Variants in ST8SIA1 observed in about 807,000 individuals in gnomAD.
ST8SIA1 encodes the protein ST8 alpha-N-acetyl-neuraminide alpha-2,8-sialyltransferase 1.
A neutral mutation model predicts 35.9 loss-of-function variants in ST8SIA1; 16 were observed. That is an observed-to-expected ratio of 0.45 (90% CI 0.30 to 0.68). The LOEUF is 0.68. Among genes scored for constraint, ST8SIA1 ranks in the 30% least tolerant of loss-of-function variants. The pLI is 0.09. For missense variants in ST8SIA1, 383 were observed against 453.6 expected (o/e 0.84, Z 1.41); for synonymous variants, 170 against 169.6 (o/e 1.00, Z -0.02).
intron 1 of ST8SIA1, among the ~76,000 whole-genome samples, chr12:22,321,531 A>G (rs1434124234): frequency 6.6e-6 from 1 of 152,224 alleles, no homozygotes; most frequent in Non-Finnish European, 1.5e-5. Context: ...CTAGAGCCTG[A>G]GCAGGCGGAG....
intron 2 of ST8SIA1, among the ~76,000 whole-genome samples, chr12:22,285,885 A>ACAAAAAAAACAAAAAAAAAG (rs1555160058): frequency 6.8e-6 from 1 of 147,280 alleles, no homozygotes. Flanking sequence ...AACAAAAAAA[A>ACAAAAAAAACAAAAAAAAAG]AAAAAAAAAA....
Position 22,202,042 on chromosome 12 carries a change from T to C in ST8SIA1, c.585-4A>G, listed in dbSNP as rs766791960. 25 of 1,561,368 alleles carry C rather than the reference T, an allele frequency of 1.6e-5. No homozygotes were observed. The highest frequency in any genetic ancestry group is 4.3e-5 in the Admixed American group (2 of 46,802). On this transcript the variant is annotated splice_polypyrimidine_tract_variant and splice_region_variant and intron_variant, in intron 4 of 4. Coordinates refer to ENST00000396037, the MANE Select transcript of ST8SIA1 (RefSeq NM_003034.4). ...GGACCACAGAAGGTTCTGAAACCTA[T>C]TGAAGAAAAAAAAAACTGTTCAATT... is the stretch of plus-strand genomic sequence containing the variant.
chr12:22,274,282 A>G lies in ST8SIA1; in HGVS notation c.381+12867T>C, dbSNP rs544001609. On this transcript the variant is annotated intron_variant, in intron 2 of 4. Coordinates refer to ENST00000396037, the MANE Select transcript of ST8SIA1 (RefSeq NM_003034.4). ...AAAATGATTGCATGATCTGATTTGC[A>G]TTTTAAAAAGCTAACTCAAGCTACA... Among the ~76,000 whole-genome samples the G allele has an allele frequency of 3.3e-5, 5 of 152,352 alleles. No individual in the cohort carries two copies. The South Asian group carries it at 1.0e-3, about 32-fold the overall frequency.
intron 4 of ST8SIA1, among the ~76,000 whole-genome samples, chr12:22,214,211 G>A (rs896217084): frequency 6.6e-6 from 1 of 152,092 alleles, no homozygotes; most frequent in Non-Finnish European, 1.5e-5. Context: ...ACAGAAAACA[G>A]AGGAAAAAAG....
intron 4 of ST8SIA1, among the ~76,000 whole-genome samples, chr12:22,227,047 A>G (rs1437657984): frequency 1.3e-5 from 2 of 151,882 alleles, no homozygotes; most frequent in South Asian, 2.1e-4. Context: ...CCCGGGTTCA[A>G]TGATTCTCCT....
intron 2 of ST8SIA1, chr12:22,286,388 T>G (rs3819878): frequency 2.0e-6 from 1 of 510,826 alleles, no homozygotes; most frequent in Non-Finnish European, 3.9e-6. Context: ...TTCTAAGGCT[T>G]AAAAATTCTC....
At position 22,334,535 on chromosome 12, in the gene ST8SIA1, G is replaced by T. The variant is rs1307589306; in HGVS notation, c.-303C>A. 4.5e-6 allele frequency: 2 copies of T among 443,638 alleles called. No individual in the cohort carries two copies. The highest frequency in any genetic ancestry group is 4.0e-5 in the African/African-American group (2 of 50,214). 27.5% of individuals were successfully genotyped at this position (443,638 alleles called of 1,614,324 possible). ...TGGGGTCTCCGAGTGCGCAGAGAGC[G>T]GCGGCGGCGAGTCGCTCCCGCCGGT... On this transcript the variant is annotated 5_prime_UTR_variant, in exon 1 of 5. Coordinates refer to ENST00000396037, the MANE Select transcript of ST8SIA1 (RefSeq NM_003034.4).
intron 3 of ST8SIA1, among the ~76,000 whole-genome samples, chr12:22,252,361 A>G (rs1865681451): frequency 6.6e-6 from 1 of 152,214 alleles, no homozygotes; most frequent in Non-Finnish European, 1.5e-5. Context: ...TGAATATATA[A>G]TATCTCGATA....
intron 4 of ST8SIA1, among the ~76,000 whole-genome samples, chr12:22,236,009 A>T (rs1438251964): frequency 6.6e-6 from 1 of 152,206 alleles, no homozygotes; most frequent in Non-Finnish European, 1.5e-5. Context: ...AGAGAGAATT[A>T]AGGGGAAATA....
rs149707477 is a variant in ST8SIA1, at chr12:22,247,561, T to C, written c.584+1445A>G. The stretch of plus-strand genomic sequence containing the variant: ...TTGAAAAATAATAAAATTACTCTTA[T>C]AAGAACAAAAATAAATACATTTACA... On this transcript the variant is annotated intron_variant, in intron 4 of 4. Coordinates refer to ENST00000396037, the MANE Select transcript of ST8SIA1 (RefSeq NM_003034.4). Among the ~76,000 whole-genome samples, 402 of 152,192 alleles carry C rather than the reference T, an allele frequency of 2.6e-3. 6 individuals are homozygous for C. The highest frequency in any genetic ancestry group is 0.025 in the South Asian group (121 of 4,826).
chr12:22,230,335 A>G lies in ST8SIA1; in HGVS notation c.584+18671T>C, dbSNP rs543606240. 8.1e-4 allele frequency among the ~76,000 whole-genome samples: 124 copies of G among 152,306 alleles called. 1 individual carries two copies. Among genetic ancestry groups the G allele is most frequent in the African/African-American group, 2.9e-3 (119 of 41,574 alleles). On this transcript the variant is annotated intron_variant, in intron 4 of 4. Transcript: ENST00000396037. ...GAGCCTCTAGTCTTAGAGCACAGCT[A>G]TAGACTCTGAATCCTGCCCTCTCTG...
At chr12:22,276,150 T>C (rs1194220888) in intron 2 of ST8SIA1, among the ~76,000 whole-genome samples, 1 of 152,204 alleles carries the variant, frequency 6.6e-6, no homozygotes, top group Non-Finnish European at 1.5e-5. Context: ...ACACAAAACA[T>C]TACACAACCC....
chr12:22,325,421 T>TTACGGTCTTGGCTGC (rs1214285527), intron 1 of ST8SIA1: 2 of 701,994 alleles, frequency 2.8e-6, no homozygotes, highest in Admixed American at 4.0e-5. Context: ...GACACAGCTC[T>TTACGGTCTTGGCTGC]TACGGTCTTG....
intron 4 of ST8SIA1, among the ~76,000 whole-genome samples, chr12:22,246,229 T>A (rs931052131): frequency 1.3e-5 from 2 of 151,990 alleles, no homozygotes; most frequent in South Asian, 4.2e-4. Context: ...CTGTAGATAG[T>A]GTTGGAATTG....
At chr12:22,316,281 G>T (rs1866518951) in intron 1 of ST8SIA1, among the ~76,000 whole-genome samples, 1 of 152,150 alleles carries the variant, frequency 6.6e-6, no homozygotes, top group Non-Finnish European at 1.5e-5. Context: ...TAAAGCTATG[G>T]TATGGCTTTA....
At chr12:22,260,679 G>A (rs1865779206) in intron 2 of ST8SIA1, among the ~76,000 whole-genome samples, 1 of 152,068 alleles carries the variant, frequency 6.6e-6, no homozygotes. Flanking sequence ...ACTATTACGA[G>A]AGTTAAAATA....
chr12:22,240,957 G>A (rs1041262395), intron 4 of ST8SIA1, among the ~76,000 whole-genome samples: 1 of 144,810 alleles, frequency 6.9e-6, no homozygotes, highest in Non-Finnish European at 1.5e-5. Flanking sequence ...ATACATTTCT[G>A]TTTCCTAGTT....
chr12:22,251,050 C>T (rs1476528073), intron 3 of ST8SIA1, among the ~76,000 whole-genome samples: 2 of 152,180 alleles, frequency 1.3e-5, no homozygotes, highest in Non-Finnish European at 1.5e-5. Context: ...CAGGCTCATC[C>T]GGCTGTGGTA....
At chr12:22,241,666 G>C (rs540719200) in intron 4 of ST8SIA1, among the ~76,000 whole-genome samples, 1 of 142,530 alleles carries the variant, frequency 7.0e-6, no homozygotes, top group Non-Finnish European at 1.5e-5. Flanking sequence ...GCAGTGGCGC[G>C]ATCTCTGCTC....
Sources: gnomAD v4.1 joint callset for allele counts (sites outside exome capture counted in the v4.1 genomes callset) on GRCh38, gnomAD v4.1.1 for gene constraint, MANE v1.5 for transcripts, NCBI Gene and HGNC (gene_info 2026-07-23, HGNC 2026-07-21) for gene names.